The following AHNAK variants were observed in gnomAD, a reference collection of about 807,000 sequenced individuals.
AHNAK encodes AHNAK nucleoprotein.
Under a neutral mutation model 37.8 loss-of-function variants are expected in AHNAK, and 23 were observed. The observed-to-expected ratio is 0.61, with a 90% confidence interval of 0.44 to 0.86. The LOEUF is 0.86. AHNAK is among the 40% of genes least tolerant of loss of function. The pLI is 0.00. For missense variants in AHNAK, 7,411 were observed against 7,319.4 expected (o/e 1.01, Z -0.46); for synonymous variants, 2,481 against 2,636.3 (o/e 0.94, Z 1.80).
Position 62,517,417 on chromosome 11 carries a change from G to A in AHNAK, c.17000C>T (p.Thr5667Ile), listed in dbSNP as rs764789867. 3.7e-6 allele frequency: 6 copies of A among 1,614,160 alleles called. No homozygotes were observed. In the South Asian group the frequency reaches 5.5e-5, roughly 15 times the overall value. ...TFPKMKIPKF[T>I]FSGRELVGRE... Reference sequence around the variant, plus strand: ...GCCAACCAGCTCACGGCCAGAGAAGGTAAATTTGGGGATCTTCATTTTAGG... The same window carrying A: ...GCCAACCAGCTCACGGCCAGAGAAGATAAATTTGGGGATCTTCATTTTAGG... The change falls in exon 5 of 5, where the codon ACC (threonine) becomes ATC (isoleucine). Residue 5667 changes from threonine to isoleucine, a missense_variant. Transcript: ENST00000378024.
intron 5 of AHNAK, among the ~76,000 whole-genome samples, chr11:62,464,023 C>G (rs1326537310): frequency 2.6e-5 from 4 of 151,722 alleles, no homozygotes; most frequent in African/African-American, 9.7e-5. Flanking sequence ...CCGCCTCAGC[C>G]TCCCAAAGTG....
At chr11:62,447,478 A>G (rs1276855985) in intron 5 of AHNAK, among the ~76,000 whole-genome samples, 1 of 152,154 alleles carries the variant, frequency 6.6e-6, no homozygotes, top group Non-Finnish European at 1.5e-5. Context: ...TGAACGCATC[A>G]TGTGAGGATG....
At chr11:62,476,748 T>C (rs893112557) in intron 5 of AHNAK, among the ~76,000 whole-genome samples, 30 of 152,172 alleles carry the variant, frequency 2.0e-4, no homozygotes, top group African/African-American at 7.2e-4. Flanking sequence ...AAACGACAAC[T>C]GTCGATGACC....
chr11:62,480,280 G>T (rs1939240816), intron 5 of AHNAK, among the ~76,000 whole-genome samples: 1 of 152,162 alleles, frequency 6.6e-6, no homozygotes, highest in Non-Finnish European at 1.5e-5. Flanking sequence ...TAAATCTCAA[G>T]GGTTAAATTA....
At chr11:62,487,606 C>A (rs984281633) in intron 5 of AHNAK, among the ~76,000 whole-genome samples, 2 of 152,302 alleles carry the variant, frequency 1.3e-5, no homozygotes, top group Middle Eastern at 6.8e-3. Context: ...AAGCGATTCA[C>A]CTGCCTCAAC....
chr11:62,437,094 C>A (rs1770704905), intron 5 of AHNAK, among the ~76,000 whole-genome samples: 1 of 152,284 alleles, frequency 6.6e-6, no homozygotes, highest in East Asian at 1.9e-4. Flanking sequence ...CCCTCATGCA[C>A]CCTCCCAATC....
chr11:62,459,258 T>C (rs1938735204), intron 5 of AHNAK, among the ~76,000 whole-genome samples: 1 of 151,994 alleles, frequency 6.6e-6, no homozygotes, highest in African/African-American at 2.4e-5. Flanking sequence ...CATGAAAAAA[T>C]CAAATCAGAC....
chr11:62,451,105 G>A (rs1409360790), intron 5 of AHNAK, among the ~76,000 whole-genome samples: 7 of 148,288 alleles, frequency 4.7e-5, no homozygotes, highest in South Asian at 2.1e-4. Flanking sequence ...TTTTGATACC[G>A]AGTCTCAGTC....
rs754184219 is a variant in AHNAK at position 62,524,357 on chromosome 11, G to T, written c.10060C>A (p.Leu3354Ile). 18 of 1,612,972 alleles carry T rather than the reference G, an allele frequency of 1.1e-5. No homozygotes were observed. The highest frequency in any genetic ancestry group is 1.2e-5 in the Non-Finnish European group (14 of 1,179,802). The change falls in exon 5 of 5, where the codon CTT becomes ATT. Residue 3354 changes from leucine to isoleucine, a missense_variant. Leu to Ile is a conservative substitution (Grantham distance 5, BLOSUM62 2). Transcript: ENST00000378024. ...GAGCCCGAAAAATTAAATTTGGGAA[G>T]CTTAAAACGAGATTTCTTTGACTTG... ...EGKSKKSRFK[L>I]PKFNFSGSKV...
chr11:62,477,874 G>A (rs1237801375), intron 5 of AHNAK, among the ~76,000 whole-genome samples: 1 of 152,120 alleles, frequency 6.6e-6, no homozygotes, highest in Non-Finnish European at 1.5e-5. Context: ...CAGAGGTGGT[G>A]ATGGTTGTGC....
At position 62,523,161 on chromosome 11, in the gene AHNAK, T is replaced by A. The variant is rs1367012669; in HGVS notation, c.11256A>T (p.Leu3752Phe). The change falls in exon 5 of 5, where the codon TTA (leucine) becomes TTT (phenylalanine). Residue 3752 changes from leucine to phenylalanine, a missense_variant. Coordinates refer to ENST00000378024, the MANE Select transcript of AHNAK (RefSeq NM_001620.3). ...APKISMPDID[L>F]NLKGPKVKGD... is the part of the protein sequence containing the mutation. ...CCTTGACTTTGGGGCCCTTCAGGTT[T>A]AAATCAATGTCAGGCATCGATATTT... 1 of 1,613,820 alleles carries A rather than the reference T, an allele frequency of 6.2e-7. No individual in the cohort carries two copies. Among genetic ancestry groups the A allele is most frequent in the South Asian group, 1.1e-5 (1 of 91,072 alleles).
At chr11:62,493,279 G>T (rs1939537804) in intron 4 of AHNAK, among the ~76,000 whole-genome samples, 1 of 150,528 alleles carries the variant, frequency 6.6e-6, no homozygotes, top group Non-Finnish European at 1.5e-5. Context: ...CTCACAAAGT[G>T]CTGGGATTAC....
chr11:62,537,985 G>GTA (rs1353798787), intron 1 of AHNAK, among the ~76,000 whole-genome samples: 1 of 151,904 alleles, frequency 6.6e-6, no homozygotes, highest in African/African-American at 2.4e-5. Flanking sequence ...CCGGCCGACC[G>GTA]AGTCTGTAAG....
At chr11:62,443,265 T>C (rs3017081) in intron 5 of AHNAK, among the ~76,000 whole-genome samples, 7,871 of 115,384 alleles carry the variant, frequency 0.068, 787 homozygotes, top group African/African-American at 0.24. Flanking sequence ...TGTGAGCCAC[T>C]GCACCCGGCC....
At chr11:62,505,781 C>A (rs1363837508) in intron 4 of AHNAK, among the ~76,000 whole-genome samples, 2 of 150,940 alleles carry the variant, frequency 1.3e-5, no homozygotes, top group African/African-American at 2.4e-5. Context: ...CCCAGCAGGA[C>A]CCCTGGCCAC....
At position 62,530,624 on chromosome 11, in the gene AHNAK, G is replaced by A; in HGVS notation, c.3793C>T (p.Pro1265Ser). Residue 1265 changes from proline (P) to serine (S), a missense_variant, in exon 5 of 5, where the codon CCT becomes TCT. Physicochemically the swap from Pro to Ser is moderately conservative, Grantham distance 74. Transcript: ENST00000378024. ...TCTCGGCCCTCTCCTTTGAAGCCAG[G>A]CATGCTAAACTTGGGCATTTTCATC... ...PKMKMPKFSM[P>S]GFKGEGREVD... 6.2e-7 allele frequency: 1 copy of A among 1,613,256 alleles called. No individual in the cohort carries two copies. Among genetic ancestry groups the A allele is most frequent in the Non-Finnish European group, 8.5e-7 (1 of 1,179,886 alleles).
At chr11:62,439,946 G>A (rs1025093747) in intron 5 of AHNAK, among the ~76,000 whole-genome samples, 6 of 152,142 alleles carry the variant, frequency 3.9e-5, no homozygotes, top group African/African-American at 1.4e-4. Context: ...AGGATTGTAG[G>A]CGTGAGCCAC....
At chr11:62,494,280 C>G (rs1004026302) in intron 4 of AHNAK, among the ~76,000 whole-genome samples, 5 of 152,036 alleles carry the variant, frequency 3.3e-5, no homozygotes. Context: ...TTGAGAAATT[C>G]AGCATGTGAT....
In AHNAK at chr11:62,521,596, T is replaced by C. The variant is rs770699119; in HGVS notation, c.12821A>G (p.Asp4274Gly). The C allele has an allele frequency of 5.0e-6, 8 of 1,611,528 alleles. No homozygotes were observed. The highest frequency in any genetic ancestry group is 6.8e-6 in the Non-Finnish European group (8 of 1,179,416). ...LHLKGPKVKG[D>G]VDVSLPKVEG... is the part of the protein sequence containing the mutation. ...CACTTTAGGAAGGGAAACATCCACA[T>C]CACCCTTCACCTTGGGACCTTTCAG... Residue 4274 changes from aspartate (D) to glycine (G), a missense_variant, in exon 5 of 5, where the codon GAT becomes GGT. Coordinates refer to ENST00000378024, the MANE Select transcript of AHNAK (RefSeq NM_001620.3).
Sources: allele counts gnomAD v4.1 joint callset (sites outside exome capture counted in the v4.1 genomes callset), GRCh38; gene constraint gnomAD v4.1.1; transcripts MANE v1.5; gene names NCBI Gene and HGNC (gene_info 2026-07-23, HGNC 2026-07-21).